The following NAALADL2 variants were observed in gnomAD, a reference collection of about 807,000 sequenced individuals.
NAALADL2 encodes the protein inactive N-acetylated-alpha-linked acidic dipeptidase-like protein 2.
NAALADL2 carries 76 observed loss-of-function variants against 87.2 expected under a neutral mutation model. The ratio of observed to expected loss-of-function variants is 0.87; its 90% CI spans 0.72 to 1.05. The LOEUF is 1.05. Among genes scored for constraint, NAALADL2 ranks in the 50% least tolerant of loss-of-function variants. The probability of loss-of-function intolerance (pLI) is 0.00; values close to 1 mark genes in which losing one functional copy is unlikely to be tolerated. For synonymous variants in NAALADL2, 354 were observed against 331.0 expected, an observed-to-expected ratio of 1.07 and a Z score of -0.75; for missense variants, 1,089 against 945.8, an observed-to-expected ratio of 1.15 and a Z score of -1.99.
At chr3:174,665,605 G>A (rs1725888354) in intron 2 of NAALADL2, among the ~76,000 whole-genome samples, 1 of 152,136 alleles carries the variant, frequency 6.6e-6, no homozygotes, top group Admixed American at 6.6e-5. Flanking sequence ...TTGAGTCCAG[G>A]TTTGCACTGC....
chr3:174,717,221 C>G (rs142379336), intron 2 of NAALADL2, among the ~76,000 whole-genome samples: 1 of 152,290 alleles, frequency 6.6e-6, no homozygotes, highest in African/African-American at 2.4e-5. Flanking sequence ...TCATCTACCT[C>G]TCTCTTCCTG....
At chr3:175,570,410 G>T (rs1227758056) in intron 9 of NAALADL2, among the ~76,000 whole-genome samples, 1 of 152,120 alleles carries the variant, frequency 6.6e-6, no homozygotes, top group African/African-American at 2.4e-5. Context: ...GCCCAGCCAA[G>T]TTGACACTTA....
chr3:175,349,877 C>T (rs1763567397), intron 5 of NAALADL2, among the ~76,000 whole-genome samples: 1 of 151,992 alleles, frequency 6.6e-6, no homozygotes, highest in South Asian at 2.1e-4. Context: ...GAGAGCCTGG[C>T]TAGCATGTGC....
intron 5 of NAALADL2, among the ~76,000 whole-genome samples, chr3:175,382,027 T>C (rs1767845282): frequency 6.6e-6 from 1 of 152,194 alleles, no homozygotes; most frequent in Non-Finnish European, 1.5e-5. Context: ...GTCCTGTCTT[T>C]GAAATAGAAT....
At chr3:174,853,376 C>CAAAA (rs55826352) in intron 3 of NAALADL2, among the ~76,000 whole-genome samples, 115 of 82,490 alleles carry the variant, frequency 1.4e-3, no homozygotes, top group African/African-American at 4.7e-3. Context: ...GACTCAATCT[C>CAAAA]AAAAAAAAAA....
At chr3:175,106,996 T>C (rs1157240763) in intron 2 of NAALADL2, among the ~76,000 whole-genome samples, 1 of 152,036 alleles carries the variant, frequency 6.6e-6, no homozygotes, top group Non-Finnish European at 1.5e-5. Context: ...AAAGTAAAGT[T>C]GCTGGGCAAT....
At chr3:175,663,575 GT>G (rs1311000342) in intron 11 of NAALADL2, among the ~76,000 whole-genome samples, 2 of 150,850 alleles carry the variant, frequency 1.3e-5, no homozygotes, top group Admixed American at 1.3e-4. Flanking sequence ...GATCTTTATT[GT>G]TTATTTATTT....
intron 1 of NAALADL2, among the ~76,000 whole-genome samples, chr3:174,515,753 G>T (rs1719904737): frequency 6.6e-6 from 1 of 151,314 alleles, no homozygotes; most frequent in Admixed American, 6.6e-5. Flanking sequence ...ATTGAATCAT[G>T]GAATTATGTT....
At chr3:175,005,751 GTT>G (rs1432408096) in intron 1 of NAALADL2, among the ~76,000 whole-genome samples, 2 of 152,080 alleles carry the variant, frequency 1.3e-5, no homozygotes, top group Non-Finnish European at 2.9e-5. Context: ...TTTTTAAAAA[GTT>G]ATAAATAAAT....
chr3:174,904,801 T>C (rs994351782), intron 1 of NAALADL2, among the ~76,000 whole-genome samples: 1 of 151,874 alleles, frequency 6.6e-6, no homozygotes, highest in African/African-American at 2.4e-5. Flanking sequence ...TGTGAAATAG[T>C]TACATCACCA....
At chr3:175,398,973 C>T (rs1560490833) in intron 5 of NAALADL2, among the ~76,000 whole-genome samples, 1 of 151,714 alleles carries the variant, frequency 6.6e-6, no homozygotes, top group Non-Finnish European at 1.5e-5. Context: ...ACTCCATAAA[C>T]AGAGTAGAGC....
chr3:174,722,802 T>C (rs553064445), intron 2 of NAALADL2, among the ~76,000 whole-genome samples: 1 of 152,338 alleles, frequency 6.6e-6, no homozygotes, highest in East Asian at 1.9e-4. Flanking sequence ...GTTAAAATTG[T>C]TTCTTTGGCT....
chr3:175,730,711 G>A lies in NAALADL2; in HGVS notation c.1897-6595G>A, dbSNP rs1392288330. On this transcript the variant is annotated intron_variant, in intron 11 of 13. Transcript: ENST00000454872. The stretch of plus-strand genomic sequence containing the variant: ...TTATTAACTCAGTTTTCAACACAAT[G>A]ATCCTTTTATATTTTTAAAATATTT... 7.2e-5 allele frequency among the ~76,000 whole-genome samples: 11 copies of A among 151,754 alleles called. No homozygotes were observed. The East Asian group carries it at 2.1e-3, about 30-fold the overall frequency.
intron 1 of NAALADL2, among the ~76,000 whole-genome samples, chr3:174,962,517 G>A (rs1579746694): frequency 6.7e-6 from 1 of 148,714 alleles, no homozygotes; most frequent in Non-Finnish European, 1.5e-5. Context: ...TTTCACAAGT[G>A]GACCATACAT....
chr3:175,447,311 C>G lies in NAALADL2; in HGVS notation c.1173C>G (p.Ile391Met). 1 of 1,605,298 alleles carries G rather than the reference C, an allele frequency of 6.2e-7. No individual in the cohort carries two copies. Residue 391 changes from isoleucine (I) to methionine (M), a missense_variant, in exon 6 of 14, where the codon ATC (isoleucine) becomes ATG (methionine). Ile to Met is a conservative substitution (Grantham distance 10). Transcript: ENST00000454872. Reference protein sequence around the residue: ...PISAPLVAKLISSPKARTKNE... With the variant: ...PISAPLVAKLMSSPKARTKNE... ...CTGCACCCCTCGTTGCAAAACTGAT[C>G]TCTTCGCCAAAAGCTAGAACCAAAA...
intron 5 of NAALADL2, among the ~76,000 whole-genome samples, chr3:175,436,878 G>T (rs200500644): frequency 0.041 from 3,424 of 83,940 alleles, 51 homozygotes; most frequent in East Asian, 0.064. Flanking sequence ...GTCAATTTTG[G>T]CTTTTGTTGC....
At chr3:175,420,024 G>A (rs549838233) in intron 5 of NAALADL2, among the ~76,000 whole-genome samples, 2 of 151,946 alleles carry the variant, frequency 1.3e-5, no homozygotes, top group African/African-American at 4.8e-5. Flanking sequence ...GACATCGTTG[G>A]CCTCAGTCTT....
intron 1 of NAALADL2, among the ~76,000 whole-genome samples, chr3:174,911,962 G>A (rs111551084): frequency 6.6e-5 from 10 of 152,162 alleles, no homozygotes; most frequent in African/African-American, 2.2e-4. Flanking sequence ...CACTAGGGCT[G>A]GAAATTGACC....
intron 3 of NAALADL2, among the ~76,000 whole-genome samples, chr3:174,751,443 A>G (rs1734808049): frequency 6.6e-6 from 1 of 152,064 alleles, no homozygotes; most frequent in African/African-American, 2.4e-5. Flanking sequence ...CGGGTGGATT[A>G]CCTGAGGTCA....
Sources: allele counts gnomAD v4.1 joint callset (sites outside exome capture counted in the v4.1 genomes callset), GRCh38; gene constraint gnomAD v4.1.1; transcripts MANE v1.5; gene names NCBI Gene and HGNC (gene_info 2026-07-23, HGNC 2026-07-21).